The following FBXL17 variants were observed in gnomAD, a reference collection of about 807,000 sequenced individuals.
FBXL17 encodes F-box/LRR-repeat protein 17.
Under a neutral mutation model 66.2 loss-of-function variants are expected in FBXL17, and 22 were observed. The ratio of observed to expected loss-of-function variants is 0.33; its 90% confidence interval spans 0.24 to 0.47. The LOEUF (loss-of-function observed/expected upper bound fraction) is 0.47, where lower values mean the gene tolerates loss of function less well. FBXL17 is among the 20% of genes least tolerant of loss of function. The pLI, the probability that FBXL17 is intolerant of heterozygous loss-of-function variation, is 1.00. For missense variants in FBXL17, 878 were observed against 948.2 expected, an observed-to-expected ratio of 0.93 and a Z score of 0.97; for synonymous variants, 474 against 400.5, an observed-to-expected ratio of 1.18 and a Z score of -2.19.
intron 4 of FBXL17, among the ~76,000 whole-genome samples, chr5:108,286,999 C>T (rs564907749): frequency 4.3e-4 from 66 of 151,958 alleles, no homozygotes; most frequent in Non-Finnish European, 9.0e-4. Flanking sequence ...ATCTAATCTT[C>T]AACAAAGTCA....
chr5:108,190,696 T>C (rs1753436922), intron 5 of FBXL17, among the ~76,000 whole-genome samples: 1 of 152,234 alleles, frequency 6.6e-6, no homozygotes, highest in Non-Finnish European at 1.5e-5. Flanking sequence ...TGAGCAAAGA[T>C]GAATTTGTAT....
At chr5:107,996,228 A>G (rs1296592820) in intron 7 of FBXL17, among the ~76,000 whole-genome samples, 1 of 152,020 alleles carries the variant, frequency 6.6e-6, no homozygotes, top group African/African-American at 2.4e-5. Flanking sequence ...ACCAGCCTAA[A>G]ATTTCATTTT....
At chr5:108,076,850 A>T (rs1748572266) in intron 6 of FBXL17, among the ~76,000 whole-genome samples, 3 of 152,154 alleles carry the variant, frequency 2.0e-5, no homozygotes, top group Non-Finnish European at 2.9e-5. Flanking sequence ...TGCTAGCCAG[A>T]CTTCTTATTT....
At chr5:107,960,032 C>A (rs1015588930) in intron 7 of FBXL17, among the ~76,000 whole-genome samples, 1 of 152,128 alleles carries the variant, frequency 6.6e-6, no homozygotes, top group African/African-American at 2.4e-5. Flanking sequence ...AACTGATATT[C>A]AGATTAATCA....
intron 1 of FBXL17, among the ~76,000 whole-genome samples, chr5:108,379,957 A>G (rs1414720409): frequency 6.6e-6 from 1 of 152,244 alleles, no homozygotes; most frequent in African/African-American, 2.4e-5. Context: ...AACATAGCAT[A>G]AACAAAGAGG....
At chr5:108,177,472 T>C (rs1752834524) in intron 6 of FBXL17, among the ~76,000 whole-genome samples, 1 of 152,190 alleles carries the variant, frequency 6.6e-6, no homozygotes, top group African/African-American at 2.4e-5. Flanking sequence ...GTCTGATGTC[T>C]GAGGTCGGAT....
chr5:107,864,771 C>T (rs909731677), intron 8 of FBXL17, among the ~76,000 whole-genome samples: 2 of 152,184 alleles, frequency 1.3e-5, no homozygotes, highest in Non-Finnish European at 2.9e-5. Flanking sequence ...GAAGCAGATG[C>T]CAACACTGCA....
chr5:107,948,794 T>G (rs1751397431), intron 7 of FBXL17, among the ~76,000 whole-genome samples: 1 of 152,202 alleles, frequency 6.6e-6, no homozygotes, highest in South Asian at 2.1e-4. Flanking sequence ...TGCTATAAAA[T>G]GCCACTAAGA....
intron 4 of FBXL17, among the ~76,000 whole-genome samples, chr5:108,286,209 G>A (rs1367755690): frequency 6.6e-6 from 1 of 151,916 alleles, no homozygotes; most frequent in Non-Finnish European, 1.5e-5. Flanking sequence ...AAAGCTGGAA[G>A]CATTCTCCTG....
intron 7 of FBXL17, among the ~76,000 whole-genome samples, chr5:107,995,940 T>G (rs143118024): frequency 6.6e-6 from 1 of 152,298 alleles, no homozygotes; most frequent in African/African-American, 2.4e-5. Context: ...TGAAACACAG[T>G]GCAGTAGCTG....
intron 6 of FBXL17, among the ~76,000 whole-genome samples, chr5:108,047,113 G>A (rs1367742314): frequency 6.6e-6 from 1 of 152,162 alleles, no homozygotes; most frequent in Non-Finnish European, 1.5e-5. Context: ...TGGCAACCAA[G>A]GTATCAAGGT....
At position 108,031,725 on chromosome 5, in the gene FBXL17, A is replaced by G. The variant is rs1481513948; in HGVS notation, c.1746-10724T>C. On this transcript the variant is annotated intron_variant, in intron 6 of 8. Transcript: ENST00000542267. Reference sequence around the variant, plus strand: ...CATTGTACATGGTTAGCAACATAATACAGTAATAAAACAGAGATGATACTT... The same window carrying G: ...CATTGTACATGGTTAGCAACATAATGCAGTAATAAAACAGAGATGATACTT... Among the ~76,000 whole-genome samples the G allele has an allele frequency of 2.0e-5, 3 of 152,152 alleles. No homozygotes were observed. The South Asian group carries it at 6.2e-4, about 32-fold the overall frequency.
chr5:108,197,148 G>A (rs114447689), intron 5 of FBXL17, among the ~76,000 whole-genome samples: 3,257 of 152,140 alleles, frequency 0.021, 123 homozygotes, highest in African/African-American at 0.074. Context: ...GATTTCTAGA[G>A]CTCATAACAA....
chr5:107,951,106 C>T (rs778360313), intron 7 of FBXL17, among the ~76,000 whole-genome samples: 2 of 152,146 alleles, frequency 1.3e-5, no homozygotes, highest in Non-Finnish European at 2.9e-5. Context: ...TCATAATGGA[C>T]TGGCTAGGCA....
At chr5:108,096,889 A>C (rs548646043) in intron 6 of FBXL17, among the ~76,000 whole-genome samples, 2 of 152,336 alleles carry the variant, frequency 1.3e-5, no homozygotes, top group East Asian at 3.9e-4. Context: ...AAAGTCCCCT[A>C]TGGTGTGTTG....
intron 1 of FBXL17, among the ~76,000 whole-genome samples, chr5:108,369,838 T>A (rs1053384102): frequency 6.6e-6 from 1 of 152,194 alleles, no homozygotes; most frequent in African/African-American, 2.4e-5. Context: ...TAAAAGATAT[T>A]AATTTAAAGG....
At chr5:108,318,894 T>G (rs1759492007) in intron 4 of FBXL17, among the ~76,000 whole-genome samples, 1 of 151,866 alleles carries the variant, frequency 6.6e-6, no homozygotes, top group Admixed American at 6.6e-5. Flanking sequence ...CTCTGTTAAC[T>G]TTACAGTTTT....
chr5:107,935,012 G>A (rs1468197831), intron 7 of FBXL17, among the ~76,000 whole-genome samples: 7 of 151,756 alleles, frequency 4.6e-5, no homozygotes, highest in African/African-American at 1.2e-4. Flanking sequence ...TAAGGTTATC[G>A]TTGCCATTAG....
intron 6 of FBXL17, among the ~76,000 whole-genome samples, chr5:108,164,154 C>T (rs1439957622): frequency 6.6e-6 from 1 of 152,148 alleles, no homozygotes; most frequent in African/African-American, 2.4e-5. Context: ...CACAAGGACA[C>T]TGAAAGAAAG....
Sources: gnomAD v4.1 joint callset for allele counts (sites outside exome capture counted in the v4.1 genomes callset) on GRCh38, gnomAD v4.1.1 for gene constraint, MANE v1.5 for transcripts, NCBI Gene and HGNC (gene_info 2026-07-23, HGNC 2026-07-21) for gene names.